METTL16: variants seen among roughly 807,000 people sequenced by gnomAD.
METTL16 encodes RNA N(6)-adenosine-methyltransferase METTL16.
METTL16 carries 19 observed loss-of-function variants against 57.9 expected under a neutral mutation model. The observed-to-expected ratio is 0.33, with a 90% CI of 0.23 to 0.48. The LOEUF is 0.48. Among genes scored for constraint, METTL16 ranks in the 20% least tolerant of loss-of-function variants. The pLI is 0.99. For missense variants in METTL16, 434 were observed against 691.5 expected (o/e 0.63, Z 4.18); for synonymous variants, 246 against 255.6 (o/e 0.96, Z 0.36).
chr17:2,505,789 T>C (rs1452890234), intron 1 of METTL16, among the ~76,000 whole-genome samples: 2 of 152,068 alleles, frequency 1.3e-5, no homozygotes, highest in Non-Finnish European at 2.9e-5. Context: ...AATCTCAGTA[T>C]GTCCTTCTCC....
intron 1 of METTL16, among the ~76,000 whole-genome samples, chr17:2,506,679 C>G (rs1048535654): frequency 2.6e-5 from 4 of 152,146 alleles, no homozygotes; most frequent in Non-Finnish European, 5.9e-5. Context: ...CGCAAAGTGC[C>G]GAGATTGCAG....
At chr17:2,456,383 T>C (rs59824941) in intron 6 of METTL16, among the ~76,000 whole-genome samples, 2 of 152,312 alleles carry the variant, frequency 1.3e-5, no homozygotes, top group East Asian at 3.9e-4. Flanking sequence ...AAACAAGAAG[T>C]GGTATGTTCT....
chr17:2,470,766 C>T (rs1448713210), intron 4 of METTL16, among the ~76,000 whole-genome samples: 2 of 152,210 alleles, frequency 1.3e-5, no homozygotes, highest in East Asian at 3.8e-4. Context: ...AACCACTACA[C>T]TCCAGCCTGG....
At chr17:2,467,706 G>A (rs10163513) in intron 5 of METTL16, 55 bp downstream of exon 5, 774,559 of 1,393,514 alleles carry the variant, frequency 0.56, 222,693 homozygotes, top group East Asian at 0.85. Flanking sequence ...GATTACAGGC[G>A]TGAGCCACCG....
At chr17:2,491,884 A>T (rs901013905) in intron 2 of METTL16, among the ~76,000 whole-genome samples, 1 of 136,084 alleles carries the variant, frequency 7.3e-6, no homozygotes, top group Admixed American at 7.6e-5. Flanking sequence ...CACAAAAAAA[A>T]AAAAAAAAAA....
At position 2,448,785 on chromosome 17, in the gene METTL16, A is replaced by G. The variant is rs1238573591; in HGVS notation, c.729-7226T>C. 2.0e-5 allele frequency among the ~76,000 whole-genome samples: 2 copies of G among 102,480 alleles called. 1 individual carries two copies. The highest frequency in any genetic ancestry group is 1.9e-4 in the Admixed American group (2 of 10,712). 67.2% of individuals were successfully genotyped at this position (102,480 alleles called of 152,430 possible). A position where few individuals can be genotyped will look rare whatever the true frequency, so the allele number is the denominator to read the frequency against. ...AAAAAATAAAAAATAAAAAAATAAA[A>G]AAATAAAAATAAAATTTAAAAAAAA... On this transcript the variant is annotated intron_variant, in intron 6 of 9. Coordinates refer to ENST00000263092, the MANE Select transcript of METTL16 (RefSeq NM_024086.4).
At chr17:2,506,863 A>G (rs1011235422) in intron 1 of METTL16, among the ~76,000 whole-genome samples, 5 of 135,322 alleles carry the variant, frequency 3.7e-5, no homozygotes, top group Admixed American at 1.5e-4. Flanking sequence ...CCGGCCGCCC[A>G]TCATCTGAGA....
At chr17:2,496,101 ACT>A (rs1364714922) in intron 2 of METTL16, among the ~76,000 whole-genome samples, 1 of 151,162 alleles carries the variant, frequency 6.6e-6, no homozygotes, top group African/African-American at 2.5e-5. Context: ...TGACAGAGCG[ACT>A]CTGTCTCAAA....
At chr17:2,423,306 G>C (rs2066782530) in intron 8 of METTL16, among the ~76,000 whole-genome samples, 2 of 149,836 alleles carry the variant, frequency 1.3e-5, no homozygotes, top group African/African-American at 4.9e-5. Context: ...GTGTGTGTTT[G>C]AAGAACCTGC....
chr17:2,458,060 T>G (rs551743132), intron 6 of METTL16, among the ~76,000 whole-genome samples: 77 of 152,210 alleles, frequency 5.1e-4, no homozygotes, highest in African/African-American at 1.7e-3. Flanking sequence ...TTAAATTTTT[T>G]GTAGAGATGG....
At chr17:2,500,284 CT>C (rs892923641) in intron 2 of METTL16, among the ~76,000 whole-genome samples, 64 of 147,672 alleles carry the variant, frequency 4.3e-4, no homozygotes, top group Admixed American at 2.9e-3. Flanking sequence ...TTTCTTTTTT[CT>C]TTTTTTTTTG....
intron 6 of METTL16, among the ~76,000 whole-genome samples, chr17:2,446,251 C>T (rs994835029): frequency 3.9e-5 from 6 of 152,134 alleles, no homozygotes; most frequent in African/African-American, 1.4e-4. Flanking sequence ...GCAAGATGGC[C>T]ACTCTTCACC....
chr17:2,427,953 A>C (rs77014819), intron 8 of METTL16, among the ~76,000 whole-genome samples: 1 of 11,440 alleles, frequency 8.7e-5, no homozygotes, highest in Non-Finnish European at 1.3e-4. Context: ...ATCTTTACCC[A>C]AAAAAAAAAA....
chr17:2,442,588 C>T, intron 6 of METTL16, among the ~76,000 whole-genome samples: 1 of 151,424 alleles, frequency 6.6e-6, no homozygotes, highest in Admixed American at 6.6e-5. Flanking sequence ...TCTATGAAAA[C>T]AAATTTTCTT....
At chr17:2,454,571 T>A (rs1005973431) in intron 6 of METTL16, among the ~76,000 whole-genome samples, 9 of 147,922 alleles carry the variant, frequency 6.1e-5, no homozygotes, top group African/African-American at 2.2e-4. Context: ...TTATTTTTTT[T>A]TTTTTTTTTT....
intron 8 of METTL16, among the ~76,000 whole-genome samples, chr17:2,430,301 C>T (rs527251606): frequency 4.7e-4 from 71 of 150,610 alleles, no homozygotes; most frequent in Non-Finnish European, 3.7e-4. Flanking sequence ...ATAGAGACAG[C>T]GCTGCTGTAC....
chr17:2,455,456 T>TCACCAGCTAACGCAGAACCAAG (rs1341643493), intron 6 of METTL16, among the ~76,000 whole-genome samples: 1 of 152,118 alleles, frequency 6.6e-6, no homozygotes. Flanking sequence ...TTCTCTTCTT[T>TCACCAGCTAACGCAGAACCAAG]CACCAGCTAA....
At chr17:2,442,408 C>T (rs1171491906) in intron 6 of METTL16, among the ~76,000 whole-genome samples, 1 of 151,274 alleles carries the variant, frequency 6.6e-6, no homozygotes, top group South Asian at 2.1e-4. Flanking sequence ...TGATGAGACA[C>T]AGATCAAAGT....
intron 6 of METTL16, among the ~76,000 whole-genome samples, chr17:2,448,802 TAAAAAAAAA>T (rs71150866): frequency 9.2e-5 from 4 of 43,620 alleles, no homozygotes; most frequent in South Asian, 1.0e-3. Context: ...AAATAAAATT[TAAAAAAAAA>T]AAAAAAAAAA....
Sources: gnomAD v4.1 joint callset for allele counts (sites outside exome capture counted in the v4.1 genomes callset) on GRCh38, gnomAD v4.1.1 for gene constraint, MANE v1.5 for transcripts, NCBI Gene and HGNC (gene_info 2026-07-23, HGNC 2026-07-21) for gene names.